Variants in TMEM94 observed in about 807,000 individuals in gnomAD.
TMEM94 encodes ER Mg2+ ATPase.
Under a neutral mutation model 158.6 loss-of-function variants are expected in TMEM94, and 81 were observed. That is an observed-to-expected ratio of 0.51 (90% CI 0.43 to 0.61). The LOEUF (loss-of-function observed/expected upper bound fraction) is 0.61. Among genes scored for constraint, TMEM94 ranks in the 20% least tolerant of loss-of-function variants. TMEM94 has a pLI of 0.00. For synonymous variants in TMEM94, 751 were observed against 730.7 expected (o/e 1.03, Z -0.45); for missense variants, 1,435 against 1,762.0 (o/e 0.81, Z 3.32).
chr17:75,459,105 G>A (rs1314414437), intron 1 of TMEM94, among the ~76,000 whole-genome samples: 1 of 149,264 alleles, frequency 6.7e-6, no homozygotes, highest in African/African-American at 2.5e-5. Context: ...GTAGACTATG[G>A]TGGTTAACCC....
intron 1 of TMEM94, among the ~76,000 whole-genome samples, chr17:75,463,595 TTGAG>T (rs1007951249): frequency 1.3e-5 from 2 of 152,196 alleles, no homozygotes; most frequent in African/African-American, 2.4e-5. Flanking sequence ...TGAATGAACT[TTGAG>T]TGAGCATACA....
intron 1 of TMEM94, among the ~76,000 whole-genome samples, chr17:75,466,851 C>A (rs571885707): frequency 6.6e-6 from 1 of 151,994 alleles, no homozygotes; most frequent in Non-Finnish European, 1.5e-5. Flanking sequence ...GGGATAATTG[C>A]CATCTTAATA....
intron 1 of TMEM94, among the ~76,000 whole-genome samples, chr17:75,467,998 C>T (rs2050369114): frequency 6.6e-6 from 1 of 152,320 alleles, no homozygotes; most frequent in African/African-American, 2.4e-5. Flanking sequence ...TTTCATAATT[C>T]TATAGCTCCT....
intron 1 of TMEM94, among the ~76,000 whole-genome samples, chr17:75,467,783 C>T (rs1165447022): frequency 2.6e-5 from 4 of 151,996 alleles, no homozygotes; most frequent in Admixed American, 6.6e-5. Context: ...CCACCCGCCT[C>T]GGCCTCCCAA....
At position 75,462,001 on chromosome 17, in the gene TMEM94, G is replaced by GTTTTTTTTTTTTTTTTTTTTTTTTTTTTT. The variant is rs1230233393; in HGVS notation, c.-107+5254_-107+5255insTTTTTTTTTTTTTTTTTTTTTTTTTTTTT. On this transcript the variant is annotated intron_variant, in intron 1 of 31. Transcript: ENST00000314256. ...TAAATTTTACAGTTTTTTTTGTTTT[G>GTTTTTTTTTTTTTTTTTTTTTTTTTTTTT]TTTTGTTTTGTTTTTTTTTTTTTTG... Among the ~76,000 whole-genome samples, 2 of 85,664 alleles carry GTTTTTTTTTTTTTTTTTTTTTTTTTTTTT rather than the reference G, an allele frequency of 2.3e-5. 1 individual carries two copies. The highest frequency in any genetic ancestry group is 4.1e-5 in the Non-Finnish European group (2 of 48,620). The allele number at this position is 85,664 out of a possible 152,430, so 56.2% of individuals were successfully genotyped here.
intron 2 of TMEM94, among the ~76,000 whole-genome samples, chr17:75,472,548 T>C (rs1364079804): frequency 2.0e-5 from 3 of 152,186 alleles, no homozygotes; most frequent in African/African-American, 7.2e-5. Flanking sequence ...ACCTTCCTAA[T>C]AGATCTTTCT....
Position 75,469,940 on chromosome 17 carries a change from G to A in TMEM94, c.-106-1860G>A, listed in dbSNP as rs548602903. Among the ~76,000 whole-genome samples, 6 of 152,222 alleles carry A rather than the reference G, an allele frequency of 3.9e-5. No homozygotes were observed. In the East Asian group the frequency reaches 7.8e-4, roughly 20 times the overall value. ...ATACAAAAATTAGCTGGGCGTGGTG[G>A]CACATGCCTGTAATCCCAGCTACTC... is the stretch of plus-strand genomic sequence containing the variant. On this transcript the variant is annotated intron_variant, in intron 1 of 31. Coordinates refer to ENST00000314256, the MANE Select transcript of TMEM94 (RefSeq NM_014738.6).
Position 75,491,676 on chromosome 17 carries a change from C to T in TMEM94, c.1387-15C>T, listed in dbSNP as rs963738233. 6.2e-7 allele frequency: 1 copy of T among 1,613,550 alleles called. No homozygotes were observed. Among genetic ancestry groups the T allele is most frequent in the Non-Finnish European group, 8.5e-7 (1 of 1,179,690 alleles). On this transcript the variant is annotated splice_polypyrimidine_tract_variant and intron_variant, in intron 13 of 31. Coordinates refer to ENST00000314256, the MANE Select transcript of TMEM94 (RefSeq NM_014738.6). This position sits in a 1 kb window ranked among gnomAD's most constrained non-coding sequence, Gnocchi z 5.1. ...GGAGCCACTGGTCCTAGCCTGTGCT[C>T]CTCATTCTCTTCAGCCCCATGAACG...
rs77638811 is a variant in TMEM94 at position 75,487,800 on chromosome 17, G to A, written c.410-132G>A. The A allele has an allele frequency of 0.045, 32,013 of 707,008 alleles. 901 individuals carry two copies. Among genetic ancestry groups the A allele is most frequent in the Middle Eastern group, 0.099 (243 of 2,456 alleles). 43.8% of individuals were successfully genotyped at this position (707,008 alleles called of 1,614,324 possible). ...CTTGAAAGCAGGGAAGTGTTGGAAC[G>A]AGTGGAGGGGTTTGACGCAGACCTC... On this transcript the variant is annotated intron_variant, in intron 5 of 31. Coordinates refer to ENST00000314256, the MANE Select transcript of TMEM94 (RefSeq NM_014738.6). The surrounding 1 kb of genome is among the most constrained non-coding windows in gnomAD (Gnocchi z 4.6).
rs971663394 is a variant in TMEM94 at position 75,488,783 on chromosome 17, C to G, written c.637C>G (p.Pro213Ala). 1 of 1,613,880 alleles carries G rather than the reference C, an allele frequency of 6.2e-7. No individual in the cohort carries two copies. The highest frequency in any genetic ancestry group is 1.1e-5 in the South Asian group (1 of 91,010). ...IKDDEHIVLEPGDLFPPFSPP... is the reference protein window; with the variant it reads ...IKDDEHIVLEAGDLFPPFSPP... ...GGATGACGAGCACATCGTCCTGGAG[C>G]CGGGAGACCTCTTCCCCCCCTTCTC... The change falls in exon 7 of 32, where the codon CCG (proline) becomes GCG (alanine). Residue 213 changes from proline to alanine, a missense_variant. Pro to Ala is a conservative substitution (Grantham distance 27). Coordinates refer to ENST00000314256, the MANE Select transcript of TMEM94 (RefSeq NM_014738.6).
In TMEM94 at chr17:75,488,118, C is replaced by T. The variant is rs1447427637; in HGVS notation, c.596C>T (p.Ser199Phe). The stretch of plus-strand genomic sequence containing the variant: ...AGGCCTGGCCAGGAATCGTTTGCTT[C>T]TCTGAGGGGGATCAAGGTAGCTTGA... The part of the protein sequence containing the change: ...ALRPGQESFA[S>F]LRGIKDDEHI... Residue 199 changes from serine to phenylalanine, a missense_variant, in exon 6 of 32, where the codon TCT (serine) becomes TTT (phenylalanine). Ser to Phe is a radical substitution (Grantham distance 155, BLOSUM62 -2). Around this residue, in one of 3 missense-constraint regions of TMEM94, gnomAD observed 1,051 missense variants for 1,254.4 expected, o/e 0.84. Coordinates refer to ENST00000314256, the MANE Select transcript of TMEM94 (RefSeq NM_014738.6). The T allele has an allele frequency of 6.2e-7, 1 of 1,614,212 alleles. No individual in the cohort carries two copies.
chr17:75,482,208 T>G (rs1270867816), intron 2 of TMEM94, among the ~76,000 whole-genome samples: 1 of 152,000 alleles, frequency 6.6e-6, no homozygotes, highest in Non-Finnish European at 1.5e-5. Flanking sequence ...TAGCCGGGCG[T>G]GGCAGCATGT....
intron 2 of TMEM94, among the ~76,000 whole-genome samples, chr17:75,472,220 G>T (rs781770159): frequency 1.3e-5 from 2 of 152,236 alleles, no homozygotes; most frequent in Non-Finnish European, 2.9e-5. Flanking sequence ...CCAGGGGTGT[G>T]CAATTTAGTT....
At position 75,499,366 on chromosome 17, in the gene TMEM94, G is replaced by C; in HGVS notation, c.*32G>C. The C allele has an allele frequency of 6.3e-7, 1 of 1,594,020 alleles. No individual in the cohort carries two copies. The highest frequency in any genetic ancestry group is 2.2e-5 in the East Asian group (1 of 44,784). On this transcript the variant is annotated 3_prime_UTR_variant, in exon 32 of 32. Coordinates refer to ENST00000314256, the MANE Select transcript of TMEM94 (RefSeq NM_014738.6). ...GGCTGTGGTGGCTGTAGTTGCCCCC[G>C]TCCCTGGGGCTAAAGCCAGACCCAT... is the stretch of plus-strand genomic sequence containing the variant.
chr17:75,463,711 C>A (rs2050192260), intron 1 of TMEM94, among the ~76,000 whole-genome samples: 1 of 152,168 alleles, frequency 6.6e-6, no homozygotes, highest in African/African-American at 2.4e-5. Context: ...TTAAACTGAA[C>A]CCCTTTGATT....
chr17:75,490,647 G>T (rs1163699624), intron 10 of TMEM94, 55 bp from the exon 11 acceptor site: 1 of 1,508,874 alleles, frequency 6.6e-7, no homozygotes, highest in African/African-American at 1.4e-5. Context: ...GCTTGGAGAG[G>T]CCTGTGTGAA....
intron 2 of TMEM94, among the ~76,000 whole-genome samples, chr17:75,478,054 C>T (rs916620520): frequency 6.9e-4 from 65 of 93,780 alleles, no homozygotes; most frequent in African/African-American, 2.3e-3. Context: ...CTCGCTCTGT[C>T]GCCCAGGCTG....
At chr17:75,486,514 C>A in intron 5 of TMEM94, 88 bp downstream of exon 5, 1 of 1,528,678 alleles carries the variant, frequency 6.5e-7, no homozygotes, top group Non-Finnish European at 9.0e-7. Context: ...CCAGCACAGA[C>A]GGGTTGCCTG....
chr17:75,472,724 T>G (rs540298426), intron 2 of TMEM94, among the ~76,000 whole-genome samples: 41 of 152,274 alleles, frequency 2.7e-4, no homozygotes, highest in African/African-American at 9.6e-4. Context: ...CTACTTAACC[T>G]TTAGTGTGTA....
Sources: allele counts gnomAD v4.1 joint callset (sites outside exome capture counted in the v4.1 genomes callset), GRCh38; gene constraint gnomAD v4.1.1; regional missense constraint gnomAD v4.1.1; non-coding constraint Gnocchi (gnomAD v3.1); transcripts MANE v1.5; gene names NCBI Gene and HGNC (gene_info 2026-07-23, HGNC 2026-07-21).